Variants in ANKDD1A observed in about 807,000 individuals in gnomAD.
ANKDD1A encodes ankyrin repeat and death domain containing 1A, also known as ankyrin repeat and death domain-containing protein 1A.
A neutral mutation model predicts 63.5 loss-of-function variants in ANKDD1A; 59 were observed. That is an observed-to-expected ratio of 0.93 (90% confidence interval 0.75 to 1.15). ANKDD1A has a LOEUF of 1.15. Among genes scored for constraint, ANKDD1A ranks in the 50% most tolerant of loss-of-function variants. The pLI is 0.00. For missense variants in ANKDD1A, 632 were observed against 656.4 expected, an observed-to-expected ratio of 0.96 and a Z score of 0.41; for synonymous variants, 266 against 263.9, an observed-to-expected ratio of 1.01 and a Z score of -0.08.
intron 13 of ANKDD1A, among the ~76,000 whole-genome samples, chr15:64,948,236 G>A (rs2085239338): frequency 1.3e-5 from 2 of 152,148 alleles, no homozygotes; most frequent in Admixed American, 1.3e-4. Context: ...AAATACAGAT[G>A]ACACATATGA....
Position 64,944,692 on chromosome 15 carries a change from A to G in ANKDD1A, c.1106A>G (p.His369Arg), listed in dbSNP as rs141438800. 4.3e-6 allele frequency: 7 copies of G among 1,613,986 alleles called. No homozygotes were observed. Among genetic ancestry groups the G allele is most frequent in the African/African-American group, 4.0e-5 (3 of 74,902 alleles). Reference sequence around the variant, plus strand: ...CTGGCAGTGGCCGTCCGCAGCAACCATGTCAGCCTGGTGGACATGATCATA... The same window carrying G: ...CTGGCAGTGGCCGTCCGCAGCAACCGTGTCAGCCTGGTGGACATGATCATA... ...TALAVAVRSNHVSLVDMIIKA... is the reference protein window; with the variant it reads ...TALAVAVRSNRVSLVDMIIKA... The change falls in exon 12 of 15, where the codon CAT becomes CGT. Residue 369 changes from histidine to arginine, a missense_variant. By Grantham distance (29) the His-to-Arg change is conservative. Transcript: ENST00000319580.
At chr15:64,937,709 CAGTG>C (rs1176193299) in intron 9 of ANKDD1A, among the ~76,000 whole-genome samples, 2 of 151,938 alleles carry the variant, frequency 1.3e-5, no homozygotes, top group Non-Finnish European at 2.9e-5. Context: ...GCCTGGATGA[CAGTG>C]AGACTCTGTC....
At chr15:64,940,304 C>T (rs933158312) in intron 9 of ANKDD1A, among the ~76,000 whole-genome samples, 1 of 151,976 alleles carries the variant, frequency 6.6e-6, no homozygotes, top group Non-Finnish European at 1.5e-5. Flanking sequence ...GGTTAAAATT[C>T]ACAAATTGTG....
At position 64,926,116 on chromosome 15, in the gene ANKDD1A, G is replaced by T; in HGVS notation, c.417G>T (p.Val139=). The T allele has an allele frequency of 6.2e-7, 1 of 1,614,090 alleles. No individual in the cohort carries two copies. The highest frequency in any genetic ancestry group is 2.2e-5 in the East Asian group (1 of 44,878). ...HCAAQKGHVP[V]LAFIMEDLED... ...CAGCCCAAAAAGGCCATGTGCCTGT[G>T]CTGGCGTTCATAATGGAGGACCTGG... Residue 139 remains valine, a synonymous_variant, in exon 5 of 15, where the codon GTG becomes GTT. Transcript: ENST00000319580.
intron 6 of ANKDD1A, 130 bp from the exon 7 acceptor site, chr15:64,930,692 T>G: frequency 1.2e-5 from 9 of 762,252 alleles, no homozygotes; most frequent in Non-Finnish European, 1.5e-5. Flanking sequence ...CTGCCCCTGG[T>G]TATAGTTTTT....
intron 1 of ANKDD1A, among the ~76,000 whole-genome samples, chr15:64,912,483 C>T (rs1399851901): frequency 2.0e-5 from 3 of 152,190 alleles, no homozygotes; most frequent in Non-Finnish European, 2.9e-5. Flanking sequence ...ATGGGGCACG[C>T]ACTCAGAGGA....
chr15:64,956,354 C>T (rs1367124336), intron 14 of ANKDD1A, among the ~76,000 whole-genome samples: 2 of 151,656 alleles, frequency 1.3e-5, no homozygotes, highest in Non-Finnish European at 2.9e-5. Context: ...TCGAGACCAT[C>T]CTGGCTAACA....
At chr15:64,925,378 T>C (rs2085038657) in intron 4 of ANKDD1A, among the ~76,000 whole-genome samples, 2 of 152,108 alleles carry the variant, frequency 1.3e-5, no homozygotes, top group South Asian at 4.1e-4. Context: ...CTGACCTTAA[T>C]ACAAGGCAGG....
intron 10 of ANKDD1A, 85 bp from the exon 11 acceptor site, chr15:64,943,399 C>G: frequency 9.1e-7 from 1 of 1,098,508 alleles, no homozygotes; most frequent in Non-Finnish European, 1.4e-6. Flanking sequence ...AAGAAATATA[C>G]TAGGATCATT....
At chr15:64,918,109 A>G (rs1255343168) in intron 3 of ANKDD1A, among the ~76,000 whole-genome samples, 1 of 152,252 alleles carries the variant, frequency 6.6e-6, no homozygotes, top group African/African-American at 2.4e-5. Flanking sequence ...CATGCCTGTA[A>G]TCTCAGCACT....
intron 14 of ANKDD1A, 67 bp downstream of exon 14, chr15:64,950,039 C>T (rs67821096): frequency 0.38 from 599,269 of 1,579,120 alleles, 118,527 homozygotes; most frequent in South Asian, 0.45. Context: ...GCAGCAGGGC[C>T]CTCCAAGGGC....
chr15:64,917,379 C>T lies in ANKDD1A; in HGVS notation c.139-7C>T, dbSNP rs545706604. On this transcript the variant is annotated splice_polypyrimidine_tract_variant and splice_region_variant and intron_variant, in intron 2 of 14. Coordinates refer to ENST00000319580, the MANE Select transcript of ANKDD1A (RefSeq NM_182703.6). ...GCACCTGACAAGTGTCATCTCCCTC[C>T]GGGCAGGTGGGCAGGGTGGCCCTGC... is the stretch of plus-strand genomic sequence containing the variant. 579 of 1,600,928 alleles carry T rather than the reference C, an allele frequency of 3.6e-4. 1 individual carries two copies. The highest frequency in any genetic ancestry group is 4.5e-4 in the Non-Finnish European group (522 of 1,172,848).
intron 1 of ANKDD1A, among the ~76,000 whole-genome samples, chr15:64,914,304 A>G (rs1484495359): frequency 6.6e-6 from 1 of 151,622 alleles, no homozygotes; most frequent in East Asian, 1.9e-4. Flanking sequence ...TTTTCTTTTT[A>G]GAGACAGGGT....
rs956650412 is a variant in ANKDD1A at position 64,955,499 on chromosome 15, C to T, written c.1484-1604C>T. Among the ~76,000 whole-genome samples, 135 of 152,292 alleles carry T rather than the reference C, an allele frequency of 8.9e-4. 1 individual carries two copies. The highest frequency in any genetic ancestry group is 3.1e-3 in the African/African-American group (129 of 41,566). ...AGGTGCCAGGCAAGCACAGCTTGTT[C>T]TGGGGCTTGGCTGTACCAGCAGGGG... is the stretch of plus-strand genomic sequence containing the variant. On this transcript the variant is annotated intron_variant, in intron 14 of 14. Transcript: ENST00000319580.
At chr15:64,948,696 G>A (rs544379342) in intron 13 of ANKDD1A, among the ~76,000 whole-genome samples, 1 of 151,946 alleles carries the variant, frequency 6.6e-6, no homozygotes, top group Admixed American at 6.6e-5. Context: ...CATGATGGTC[G>A]GGTCCTGTAA....
At chr15:64,952,623 TTCG>T (rs139554293) in intron 14 of ANKDD1A, among the ~76,000 whole-genome samples, 5,240 of 40,880 alleles carry the variant, frequency 0.13, 285 homozygotes, top group African/African-American at 0.27. Context: ...CCTCTCCTTC[TTCG>T]TCTTTTCTTT....
In ANKDD1A at chr15:64,930,837, C is replaced by T. The variant is rs1487477515; in HGVS notation, c.586C>T (p.Leu196Phe). 16 of 1,612,770 alleles carry T rather than the reference C, an allele frequency of 9.9e-6. No individual in the cohort carries two copies. Among genetic ancestry groups the T allele is most frequent in the Non-Finnish European group, 1.4e-5 (16 of 1,179,922 alleles). The change falls in exon 7 of 15, where the codon CTT becomes TTT. Residue 196 changes from leucine to phenylalanine, a missense_variant. Physicochemically the swap from Leu to Phe is conservative, Grantham distance 22. Coordinates refer to ENST00000319580, the MANE Select transcript of ANKDD1A (RefSeq NM_182703.6). ...TTTCCTGCAGGAGGGGAACACTGCCCTTCATCTGGCTGCTGGTCGGGGCCA... is the reference window on the plus strand; with the variant it reads ...TTTCCTGCAGGAGGGGAACACTGCCTTTCATCTGGCTGCTGGTCGGGGCCA... ...NVKDKEGNTA[L>F]HLAAGRGHMA...
rs1404168146 is a variant in ANKDD1A, at chr15:64,911,916, C to T, written c.-15C>T. 3 of 1,249,848 alleles carry T rather than the reference C, an allele frequency of 2.4e-6. No individual in the cohort carries two copies. Among genetic ancestry groups the T allele is most frequent in the East Asian group, 3.2e-5 (1 of 31,728 alleles). 77.4% of individuals were successfully genotyped at this position (1,249,848 alleles called of 1,614,324 possible). On this transcript the variant is annotated 5_prime_UTR_variant, in exon 1 of 15. Coordinates refer to ENST00000319580, the MANE Select transcript of ANKDD1A (RefSeq NM_182703.6). ...GCCCGGGCACCAGCGCGCGCAGGGG[C>T]TGCGGAGCGGCAGGATGCAGGAGGA...
intron 3 of ANKDD1A, among the ~76,000 whole-genome samples, chr15:64,920,181 A>G (rs554368509): frequency 6.6e-6 from 1 of 152,274 alleles, no homozygotes; most frequent in Non-Finnish European, 1.5e-5. Context: ...CTCTTGATGT[A>G]TCCCCGGAGC....
Sources: gnomAD v4.1 joint callset for allele counts (sites outside exome capture counted in the v4.1 genomes callset) on GRCh38, gnomAD v4.1.1 for gene constraint, MANE v1.5 for transcripts, NCBI Gene and HGNC (gene_info 2026-07-23, HGNC 2026-07-21) for gene names.